TMEM11: variants seen among roughly 807,000 people sequenced by gnomAD.
The protein encoded by TMEM11 is transmembrane protein 11.
In TMEM11, 1 loss-of-function variant was observed where a neutral mutation model predicts 17.0. The observed-to-expected ratio is 0.06, with a 90% CI of 0.02 to 0.28. The LOEUF (loss-of-function observed/expected upper bound fraction) is 0.28, where lower values mean the gene tolerates loss of function less well. Ranked by LOEUF, TMEM11 falls within the 10% of genes least tolerant of loss-of-function variation. The probability of loss-of-function intolerance (pLI) is 1.00; values close to 1 mark genes in which losing one functional copy is unlikely to be tolerated. For synonymous variants in TMEM11, 122 were observed against 118.1 expected (o/e 1.03, Z -0.21); for missense variants, 172 against 252.9 (o/e 0.68, Z 2.17).
chr17:21,198,388 T>C lies in TMEM11; in HGVS notation c.515A>G (p.Asn172Ser), dbSNP rs1232332921. ...KDDLHRKRLH[N>S]TIALAALVYC... ...CACCAGGGCGGCCAGTGCTATCGTG[T>C]TGTGCAGTCTCTTTCTGTGCAGGTC... Residue 172 changes from asparagine to serine, a missense_variant, in exon 2 of 2, where the codon AAC (asparagine) becomes AGC (serine). Transcript: ENST00000317635. This position sits in a 1 kb window ranked among gnomAD's most constrained non-coding sequence, Gnocchi z 6.5. The C allele has an allele frequency of 6.2e-7, 1 of 1,614,210 alleles. No individual in the cohort carries two copies. Among genetic ancestry groups the C allele is most frequent in the East Asian group, 2.2e-5 (1 of 44,880 alleles).
chr17:21,209,868 A>G (rs926067278), intron 1 of TMEM11, among the ~76,000 whole-genome samples: 43 of 152,322 alleles, frequency 2.8e-4, no homozygotes, highest in African/African-American at 9.1e-4. Flanking sequence ...CTGTCATGCC[A>G]GAAACTCCTA....
intron 1 of TMEM11, chr17:21,213,707 G>A (rs1166299938): frequency 8.9e-6 from 2 of 223,800 alleles, no homozygotes; most frequent in African/African-American, 4.7e-5. Context: ...CTGGGGCCGC[G>A]GCCGAGATGG....
At chr17:21,211,683 T>C (rs73307636) in intron 1 of TMEM11, among the ~76,000 whole-genome samples, 2,981 of 152,284 alleles carry the variant, frequency 0.02, 86 homozygotes, top group African/African-American at 0.067. Context: ...TGCTTCAGAG[T>C]TGGTAGCCGC....
At chr17:21,202,876 T>C (rs1974897733) in intron 1 of TMEM11, among the ~76,000 whole-genome samples, 1 of 152,210 alleles carries the variant, frequency 6.6e-6, no homozygotes, top group Non-Finnish European at 1.5e-5. Flanking sequence ...CCTGAGATGG[T>C]GGCGTGGGTC....
intron 1 of TMEM11, chr17:21,211,334 T>G: frequency 1.2e-6 from 1 of 827,824 alleles, no homozygotes; most frequent in Admixed American, 2.5e-5. Context: ...ATCATAACTT[T>G]CTGCAGTGAT....
At chr17:21,207,201 A>G (rs532247186) in intron 1 of TMEM11, among the ~76,000 whole-genome samples, 73 of 152,340 alleles carry the variant, frequency 4.8e-4, no homozygotes, top group Non-Finnish European at 9.4e-4. Context: ...TATTGTAAAC[A>G]TAACTTTTGA....
At chr17:21,210,067 G>A (rs1453590321) in intron 1 of TMEM11, among the ~76,000 whole-genome samples, 2 of 152,140 alleles carry the variant, frequency 1.3e-5, no homozygotes, top group Admixed American at 6.5e-5. Flanking sequence ...TGAAGAACAG[G>A]TGCACACCGA....
intron 1 of TMEM11, among the ~76,000 whole-genome samples, chr17:21,203,196 A>G (rs1974901329): frequency 2.6e-5 from 4 of 152,202 alleles, no homozygotes; most frequent in Non-Finnish European, 4.4e-5. Context: ...CTATATGGAG[A>G]CGGTAAGGTT....
chr17:21,204,251 C>T (rs560453210), intron 1 of TMEM11, among the ~76,000 whole-genome samples: 15 of 151,208 alleles, frequency 9.9e-5, no homozygotes, highest in South Asian at 4.2e-4. Context: ...CTGGCTAACA[C>T]GGTGAAACCC....
intron 1 of TMEM11, among the ~76,000 whole-genome samples, chr17:21,202,581 T>G (rs959574278): frequency 5.0e-5 from 4 of 80,564 alleles, no homozygotes; most frequent in African/African-American, 1.9e-4. Context: ...CCGGCCCCCC[T>G]GCAAGCCCAG....
intron 1 of TMEM11, among the ~76,000 whole-genome samples, chr17:21,212,036 C>T (rs369888770): frequency 2.6e-4 from 39 of 152,236 alleles, no homozygotes; most frequent in Middle Eastern, 3.4e-3. Flanking sequence ...GAAGTCAGCT[C>T]GCTAGCCCCA....
At chr17:21,205,968 G>C (rs1001701636) in intron 1 of TMEM11, among the ~76,000 whole-genome samples, 1 of 151,892 alleles carries the variant, frequency 6.6e-6, no homozygotes, top group African/African-American at 2.4e-5. Flanking sequence ...TGGACACTTC[G>C]GTTTCCACCA....
At chr17:21,210,561 G>A (rs1416705381) in intron 1 of TMEM11, among the ~76,000 whole-genome samples, 2 of 152,204 alleles carry the variant, frequency 1.3e-5, no homozygotes, top group Admixed American at 6.5e-5. Context: ...CTGTCACCCC[G>A]GGACCATGAC....
At chr17:21,212,525 G>C (rs1975013979) in intron 1 of TMEM11, among the ~76,000 whole-genome samples, 1 of 152,220 alleles carries the variant, frequency 6.6e-6, no homozygotes, top group South Asian at 2.1e-4. Flanking sequence ...AAAAACTGTT[G>C]AGGTTCAACA....
At position 21,214,066 on chromosome 17, in the gene TMEM11, G is replaced by A. The variant is rs199767159; in HGVS notation, c.62+25C>T. 67 of 1,603,556 alleles carry A rather than the reference G, an allele frequency of 4.2e-5. 1 individual carries two copies. The highest frequency in any genetic ancestry group is 8.5e-7 in the Non-Finnish European group (1 of 1,176,576). On this transcript the variant is annotated intron_variant, in intron 1 of 1. Coordinates refer to ENST00000317635, the MANE Select transcript of TMEM11 (RefSeq NM_003876.3). ...TCCGGCCGCTGAGCCGCCTGCACTG[G>A]GGGCAACAAGCCCTTGGATCTCACC...
rs1393290030 is a variant in TMEM11, at chr17:21,198,404, T to A, written c.499A>T (p.Arg167Ter). Residue 167 changes from arginine (R) to a stop codon, truncating the protein, a stop_gained, in exon 2 of 2, where the codon AGA becomes TGA. Coordinates refer to ENST00000317635, the MANE Select transcript of TMEM11 (RefSeq NM_003876.3). LOFTEE classifies it high-confidence loss of function. The surrounding 1 kb of genome is among the most constrained non-coding windows in gnomAD (Gnocchi z 6.5). ...VVLVRKDDLHRKRLHNTIALA... is the reference protein window; with the variant it reads ...VVLVRKDDLH ...GCTATCGTGTTGTGCAGTCTCTTTC[T>A]GTGCAGGTCGTCCTTCCGGACCAGC... is the stretch of plus-strand genomic sequence containing the variant. 1 of 1,614,130 alleles carries A rather than the reference T, an allele frequency of 6.2e-7. No homozygotes were observed. Among genetic ancestry groups the A allele is most frequent in the Non-Finnish European group, 8.5e-7 (1 of 1,180,060 alleles).
intron 1 of TMEM11, among the ~76,000 whole-genome samples, chr17:21,209,662 G>A (rs1468753956): frequency 2.0e-5 from 3 of 152,104 alleles, no homozygotes; most frequent in Admixed American, 6.6e-5. Flanking sequence ...CCAGCTACTC[G>A]GGAGGCTGGG....
intron 1 of TMEM11, 168 bp downstream of exon 1, chr17:21,213,923 C>G: frequency 1.5e-6 from 1 of 675,268 alleles, no homozygotes; most frequent in Non-Finnish European, 2.4e-6. Flanking sequence ...CGACCTCGCT[C>G]CCACCCGGAT....
chr17:21,205,598 A>G (rs1974933919), intron 1 of TMEM11, among the ~76,000 whole-genome samples: 1 of 152,048 alleles, frequency 6.6e-6, no homozygotes, highest in African/African-American at 2.4e-5. Context: ...TACAGTTCAG[A>G]GGCACTAAGC....
Sources: allele counts gnomAD v4.1 joint callset (sites outside exome capture counted in the v4.1 genomes callset), GRCh38; gene constraint gnomAD v4.1.1; non-coding constraint Gnocchi (gnomAD v3.1); transcripts MANE v1.5; gene names NCBI Gene and HGNC (gene_info 2026-07-23, HGNC 2026-07-21).